The following SYCP2L variants were observed in gnomAD, a reference collection of about 807,000 sequenced individuals.
SYCP2L encodes the protein synaptonemal complex protein 2-like.
Under a neutral mutation model 125.8 loss-of-function variants are expected in SYCP2L, and 98 were observed. The observed-to-expected ratio is 0.78, with a 90% CI of 0.66 to 0.92. The LOEUF (loss-of-function observed/expected upper bound fraction) is 0.92. SYCP2L is among the 40% of genes least tolerant of loss of function. The probability of loss-of-function intolerance (pLI) is 0.00; values close to 1 mark genes in which losing one functional copy is unlikely to be tolerated. For synonymous variants in SYCP2L, 317 were observed against 325.4 expected, an observed-to-expected ratio of 0.97 and a Z score of 0.28; for missense variants, 842 against 936.4, an observed-to-expected ratio of 0.90 and a Z score of 1.32.
chr6:10,942,753 GA>G lies in SYCP2L; in HGVS notation c.1954+9del. 1 of 1,553,124 alleles carries G rather than the reference GA, an allele frequency of 6.4e-7. No individual in the cohort carries two copies. Among genetic ancestry groups the G allele is most frequent in the Non-Finnish European group, 8.7e-7 (1 of 1,150,602 alleles). Reference sequence around the variant, plus strand: ...AGAAACTTGGAAGACAAAGGTAAGAGAATAGTACTTTTTTTTTTTTTTTTGC... The same window carrying G: ...AGAAACTTGGAAGACAAAGGTAAGAGATAGTACTTTTTTTTTTTTTTTTGC... On this transcript the variant is annotated splice_region_variant and intron_variant, in intron 23 of 29. Transcript: ENST00000283141.
At chr6:10,905,831 C>T (rs1437001717) in intron 8 of SYCP2L, among the ~76,000 whole-genome samples, 189 bp from the exon 9 acceptor site, 1 of 152,146 alleles carries the variant, frequency 6.6e-6, no homozygotes, top group Non-Finnish European at 1.5e-5. Context: ...AAAATAACAT[C>T]TAGATCATTA....
At chr6:10,960,588 C>G (rs1177870527) in intron 26 of SYCP2L, among the ~76,000 whole-genome samples, 1 of 152,106 alleles carries the variant, frequency 6.6e-6, no homozygotes, top group Non-Finnish European at 1.5e-5. Flanking sequence ...AATGTTAGAG[C>G]TAAAATGTAG....
At chr6:10,946,408 A>G (rs1048464020) in intron 23 of SYCP2L, among the ~76,000 whole-genome samples, 3 of 152,084 alleles carry the variant, frequency 2.0e-5, no homozygotes, top group Non-Finnish European at 2.9e-5. Flanking sequence ...GTAAATTTCT[A>G]AGCCTAAATT....
chr6:10,964,728 G>C (rs977022918), intron 29 of SYCP2L, among the ~76,000 whole-genome samples: 3 of 152,106 alleles, frequency 2.0e-5, no homozygotes, highest in African/African-American at 7.2e-5. Flanking sequence ...AAAATGGCAA[G>C]TAAACAAAAC....
chr6:10,893,607 G>A (rs946720921), intron 2 of SYCP2L, among the ~76,000 whole-genome samples: 9 of 152,172 alleles, frequency 5.9e-5, no homozygotes, highest in Admixed American at 5.2e-4. Context: ...TGCCCTGAGT[G>A]TGAGTGCTAA....
intron 23 of SYCP2L, among the ~76,000 whole-genome samples, chr6:10,945,791 A>G (rs1296547614): frequency 1.3e-5 from 2 of 150,494 alleles, no homozygotes; most frequent in East Asian, 4.0e-4. Context: ...AAAAAAAAAA[A>G]AAAGAGTAAG....
At chr6:10,916,883 T>C (rs1224044795) in intron 14 of SYCP2L, among the ~76,000 whole-genome samples, 1 of 152,116 alleles carries the variant, frequency 6.6e-6, no homozygotes, top group Non-Finnish European at 1.5e-5. Context: ...TGCCAGCTAC[T>C]TGGGAGGCTG....
intron 23 of SYCP2L, among the ~76,000 whole-genome samples, chr6:10,952,086 T>C (rs1419289012): frequency 1.3e-5 from 2 of 152,174 alleles, no homozygotes; most frequent in Non-Finnish European, 2.9e-5. Flanking sequence ...TTGACTGCGT[T>C]TGTGTTTATT....
chr6:10,918,743 C>T (rs1177173069), intron 14 of SYCP2L, among the ~76,000 whole-genome samples: 3 of 152,044 alleles, frequency 2.0e-5, no homozygotes, highest in South Asian at 2.1e-4. Flanking sequence ...ACCATGTTGG[C>T]CAGGATGGTC....
chr6:10,907,696 G>C lies in SYCP2L; in HGVS notation c.819+12G>C, dbSNP rs760507325. On this transcript the variant is annotated intron_variant, in intron 10 of 29. Transcript: ENST00000283141. ...GAGAATTTGAGACGGTGAGATTCCT[G>C]GCCATGCGAATTTCTTATTAGCCAA... 31 of 1,610,570 alleles carry C rather than the reference G, an allele frequency of 1.9e-5. No homozygotes were observed. Among genetic ancestry groups the C allele is most frequent in the Non-Finnish European group, 4.2e-6 (5 of 1,178,584 alleles).
intron 21 of SYCP2L, among the ~76,000 whole-genome samples, chr6:10,937,449 G>A (rs1038095870): frequency 6.6e-6 from 1 of 152,042 alleles, no homozygotes; most frequent in East Asian, 1.9e-4. Flanking sequence ...GTTAAAAGGG[G>A]AGTTTATTAG....
intron 8 of SYCP2L, among the ~76,000 whole-genome samples, chr6:10,903,274 C>T (rs981952504): frequency 5.3e-5 from 8 of 151,908 alleles, no homozygotes; most frequent in South Asian, 4.1e-4. Flanking sequence ...CTCGGCCAGG[C>T]GTGGTGGCTC....
At chr6:10,890,153 GAAT>G (rs1415524538) in intron 1 of SYCP2L, among the ~76,000 whole-genome samples, 1 of 152,130 alleles carries the variant, frequency 6.6e-6, no homozygotes, top group Admixed American at 6.5e-5. Context: ...TGGCTATTAT[GAAT>G]AGCGCTGCAG....
intron 6 of SYCP2L, 89 bp from the exon 7 acceptor site, chr6:10,902,588 C>A: frequency 2.8e-6 from 3 of 1,080,550 alleles, no homozygotes; most frequent in Non-Finnish European, 4.1e-6. Context: ...GCCAGAACGA[C>A]ATCCTTAGTG....
chr6:10,940,816 A>G (rs1304425351), intron 21 of SYCP2L, among the ~76,000 whole-genome samples: 3 of 152,174 alleles, frequency 2.0e-5, no homozygotes, highest in African/African-American at 7.2e-5. Flanking sequence ...TACACCGTAT[A>G]TATGTATATC....
intron 29 of SYCP2L, among the ~76,000 whole-genome samples, 166 bp downstream of exon 29, chr6:10,964,009 G>C (rs1221303851): frequency 6.7e-6 from 1 of 150,262 alleles, no homozygotes; most frequent in Non-Finnish European, 1.5e-5. Context: ...CCAGGCTGGA[G>C]TGCAGTGGCA....
chr6:10,943,809 T>C (rs1329609316), intron 23 of SYCP2L, among the ~76,000 whole-genome samples: 1 of 152,222 alleles, frequency 6.6e-6, no homozygotes, highest in South Asian at 2.1e-4. Context: ...ACAAATGACA[T>C]TATACTGTAT....
chr6:10,950,593 G>GT (rs1781393168), intron 23 of SYCP2L, among the ~76,000 whole-genome samples: 1 of 152,114 alleles, frequency 6.6e-6, no homozygotes, highest in African/African-American at 2.4e-5. Flanking sequence ...TTGGTCTTTT[G>GT]TTTTTGTAGT....
intron 23 of SYCP2L, among the ~76,000 whole-genome samples, chr6:10,943,695 T>G (rs761280711): frequency 1.3e-5 from 2 of 152,230 alleles, no homozygotes; most frequent in Admixed American, 1.3e-4. Context: ...TAATGACTTA[T>G]GACTTTTGTA....
Sources: allele counts gnomAD v4.1 joint callset (sites outside exome capture counted in the v4.1 genomes callset), GRCh38; gene constraint gnomAD v4.1.1; transcripts MANE v1.5; gene names NCBI Gene and HGNC (gene_info 2026-07-23, HGNC 2026-07-21).